The following CDKL5 variants were observed in gnomAD, a reference collection of about 807,000 sequenced individuals.
The protein encoded by CDKL5 is cyclin-dependent kinase-like 5.
CDKL5 carries 8 observed loss-of-function variants against 61.7 expected under a neutral mutation model. The ratio of observed to expected loss-of-function variants is 0.13; its 90% CI spans 0.08 to 0.23. The LOEUF is 0.23. CDKL5 is among the 10% of genes least tolerant of loss of function. The probability of loss-of-function intolerance (pLI) is 1.00; values close to 1 mark genes in which losing one functional copy is unlikely to be tolerated. For missense variants in CDKL5, 440 were observed against 734.5 expected (o/e 0.60, Z 4.63); for synonymous variants, 275 against 272.3 (o/e 1.01, Z -0.10).
chrX:18,500,219 A>G lies in CDKL5; in HGVS notation c.-162-6716A>G, dbSNP rs897441906. 4.5e-5 allele frequency among the ~76,000 whole-genome samples: 5 copies of G among 111,949 alleles called. No individual in the cohort carries two copies. The Admixed American group carries it at 4.8e-4, about 11-fold the overall frequency. ...TATGGGATACATGTTATATTTTGAT[A>G]CAAGCATACAATATGTAATGATCAG... On this transcript the variant is annotated intron_variant, in intron 1 of 17. Coordinates refer to ENST00000623535, the MANE Select transcript of CDKL5 (RefSeq NM_001323289.2).
At chrX:18,448,006 C>T (rs986070841) in intron 1 of CDKL5, among the ~76,000 whole-genome samples, 3 of 110,737 alleles carry the variant, frequency 2.7e-5, no homozygotes, top group Non-Finnish European at 5.7e-5. Flanking sequence ...ACTGCCTTGA[C>T]CTCCCAAAGT....
Position 18,572,770 on chromosome X carries a change from T to C in CDKL5, c.146-2584T>C, listed in dbSNP as rs913760023. Among the ~76,000 whole-genome samples the C allele has an allele frequency of 2.6e-4, 29 of 112,132 alleles. 1 individual carries two copies. Among genetic ancestry groups the C allele is most frequent in the African/African-American group, 8.7e-4 (27 of 30,881 alleles). ...GAAGCATTCATGTAGGAAGAATGTA[T>C]TGATCACCTCTCCTTGTGTCAGGTA... On this transcript the variant is annotated intron_variant, in intron 4 of 17. Transcript: ENST00000623535.
At chrX:18,470,128 G>A (rs1337632831) in intron 1 of CDKL5, among the ~76,000 whole-genome samples, 7 of 110,748 alleles carry the variant, frequency 6.3e-5, no homozygotes, top group African/African-American at 9.8e-5. Flanking sequence ...CCTGAGGTCA[G>A]GAGTTAAAGA....
At chrX:18,485,542 T>G (rs980356448) in intron 1 of CDKL5, among the ~76,000 whole-genome samples, 4 of 112,164 alleles carry the variant, frequency 3.6e-5, no homozygotes, top group Non-Finnish European at 7.5e-5. Context: ...CTCAGAGATC[T>G]GATTGGGTTT....
chrX:18,564,216 T>TA (rs759653368), intron 3 of CDKL5, among the ~76,000 whole-genome samples: 1 of 111,576 alleles, frequency 9.0e-6, no homozygotes, highest in Non-Finnish European at 1.9e-5. Flanking sequence ...ATTTATGAGT[T>TA]ACGCATATTC....
rs1925958381 is a variant in CDKL5 at position 18,595,386 on chromosome X, A to G, written c.783A>G (p.Arg261=). ...ACCATCCTCAGTCCTTGGAAAGAAG[A>G]TACCTTGGAATTTTGAATAGTGTTC... is the stretch of plus-strand genomic sequence containing the variant. ...AVNHPQSLER[R]YLGILNSVLL... Residue 261 remains arginine, a synonymous_variant, in exon 10 of 18, where the codon AGA becomes AGG. Transcript: ENST00000623535. The G allele has an allele frequency of 8.3e-7, 1 of 1,197,610 alleles. No homozygotes were observed.
rs1345153664 is a variant in CDKL5 at position 18,631,122 on chromosome X, G to A, written c.*2365G>A. The A allele has an allele frequency of 4.0e-6, 3 of 750,216 alleles. No individual in the cohort carries two copies. The highest frequency in any genetic ancestry group is 3.1e-6 in the Non-Finnish European group (2 of 638,562). 61.8% of individuals were successfully genotyped at this position (750,216 alleles called of 1,213,427 possible). ...CATGTTGTCATCCTTGCTAACACTGGGATCTCAGATGTTTGCAGAACATTT... is the reference window on the plus strand; with the variant it reads ...CATGTTGTCATCCTTGCTAACACTGAGATCTCAGATGTTTGCAGAACATTT... On this transcript the variant is annotated 3_prime_UTR_variant, in exon 18 of 18. Coordinates refer to ENST00000623535, the MANE Select transcript of CDKL5 (RefSeq NM_001323289.2).
chrX:18,647,469 A>G lies in CDKL5; in HGVS notation c.2797+1379A>G, dbSNP rs578176641. The stretch of plus-strand genomic sequence containing the variant: ...GCTTTACCTGTCTCTGTGGTTCACA[A>G]TGGGTACAGCTGTGTCTTCAACGGT... On this transcript the variant is annotated intron_variant, in intron 20 of 21. Transcript: ENST00000379989. 4.8e-3 allele frequency: 2,954 copies of G among 614,785 alleles called. 12 individuals carry two copies. Among genetic ancestry groups the G allele is most frequent in the Middle Eastern group, 0.017 (36 of 2,074 alleles). 50.7% of individuals were successfully genotyped at this position (614,785 alleles called of 1,213,427 possible). A position where few individuals can be genotyped will look rare whatever the true frequency, so the allele number is the denominator to read the frequency against.
rs775245403 is a variant in CDKL5, at chrX:18,497,098, T to G, written c.-162-9837T>G. Among the ~76,000 whole-genome samples, 3 of 109,977 alleles carry G rather than the reference T, an allele frequency of 2.7e-5. No homozygotes were observed. In the Admixed American group the frequency reaches 2.9e-4, roughly 11 times the overall value. ...ACCTCTGCCTCCTGGGTTCAAGCAA[T>G]TCTCCTGCCTCAGCCTCCCGAGTAG... is the stretch of plus-strand genomic sequence containing the variant. On this transcript the variant is annotated intron_variant, in intron 1 of 17. Transcript: ENST00000623535.
At chrX:18,556,475 A>C (rs1924605597) in intron 3 of CDKL5, among the ~76,000 whole-genome samples, 1 of 111,434 alleles carries the variant, frequency 9.0e-6, no homozygotes, top group African/African-American at 3.3e-5. Flanking sequence ...CTGTGTGATC[A>C]TGGGACAAAT....
At chrX:18,544,545 T>A (rs1186815353) in intron 3 of CDKL5, among the ~76,000 whole-genome samples, 2 of 112,097 alleles carry the variant, frequency 1.8e-5, no homozygotes, top group Non-Finnish European at 3.8e-5. Flanking sequence ...GGAACTTCCC[T>A]AAGGCCACTC....
At chrX:18,589,581 A>C (rs1473707335) in intron 9 of CDKL5, 1 of 111,644 alleles carries the variant, frequency 9.0e-6, no homozygotes, top group Non-Finnish European at 1.9e-5. Flanking sequence ...TGCTATTGTG[A>C]ATAGTGCCGC....
chrX:18,558,978 A>G (rs1313555011), intron 3 of CDKL5, among the ~76,000 whole-genome samples: 1 of 112,594 alleles, frequency 8.9e-6, no homozygotes, highest in African/African-American at 3.2e-5. Context: ...CCAGAATGCC[A>G]CGAGGTAAAC....
At chrX:18,578,502 A>G (rs1244667035) in intron 5 of CDKL5, among the ~76,000 whole-genome samples, 1 of 112,078 alleles carries the variant, frequency 8.9e-6, no homozygotes, top group Non-Finnish European at 1.9e-5. Context: ...GAACCCTAAG[A>G]ACTTTTTATT....
intron 5 of CDKL5, among the ~76,000 whole-genome samples, chrX:18,576,511 A>G (rs996546213): frequency 3.8e-4 from 42 of 111,522 alleles, no homozygotes; most frequent in Non-Finnish European, 7.2e-4. Context: ...TTGCTATACC[A>G]TAAATGACAG....
At chrX:18,533,667 C>T (rs1923723841) in intron 3 of CDKL5, among the ~76,000 whole-genome samples, 1 of 111,475 alleles carries the variant, frequency 9.0e-6, no homozygotes, top group Non-Finnish European at 1.9e-5. Flanking sequence ...ATTTTTTGTC[C>T]TGATCTTACT....
chrX:18,452,439 T>G (rs1932040920), intron 1 of CDKL5, among the ~76,000 whole-genome samples: 2 of 111,230 alleles, frequency 1.8e-5, no homozygotes, highest in South Asian at 7.6e-4. Context: ...TTTTTTATTT[T>G]TTTTGAGACA....
chrX:18,426,893 C>A (rs908474738), intron 1 of CDKL5: 1 of 112,124 alleles, frequency 8.9e-6, no homozygotes, highest in Non-Finnish European at 1.9e-5. Flanking sequence ...AAAAAGACAT[C>A]TTCACCGAGG....
chrX:18,642,749 TA>T (rs1456541563), downstream of CDKL5, among the ~76,000 whole-genome samples: 1 of 112,129 alleles, frequency 8.9e-6, no homozygotes, highest in African/African-American at 3.2e-5. Flanking sequence ...TAAAAAGACA[TA>T]AAAACTTGGC....
Sources: allele counts gnomAD v4.1 joint callset (sites outside exome capture counted in the v4.1 genomes callset), GRCh38; gene constraint gnomAD v4.1.1; transcripts MANE v1.5; gene names NCBI Gene and HGNC (gene_info 2026-07-23, HGNC 2026-07-21).